FAM83B: variants seen among roughly 807,000 people sequenced by gnomAD.
FAM83B encodes the protein scaffolding CK1 anchoring protein B.
In FAM83B, 26 loss-of-function variants were observed where a neutral mutation model predicts 38.8. The ratio of observed to expected loss-of-function variants is 0.67; its 90% confidence interval spans 0.49 to 0.93. The LOEUF (loss-of-function observed/expected upper bound fraction) is 0.93. Among genes scored for constraint, FAM83B ranks in the 40% least tolerant of loss-of-function variants. FAM83B has a pLI of 0.00. For synonymous variants in FAM83B, 419 were observed against 423.1 expected, an observed-to-expected ratio of 0.99 and a Z score of 0.12; for missense variants, 1,237 against 1,197.3, an observed-to-expected ratio of 1.03 and a Z score of -0.49.
At chr6:54,887,097 T>A (rs956964282) in intron 2 of FAM83B, among the ~76,000 whole-genome samples, 2 of 152,194 alleles carry the variant, frequency 1.3e-5, no homozygotes, top group Non-Finnish European at 2.9e-5. Context: ...ATTTAAAGTA[T>A]GTTTTATGAT....
rs146589926 is a variant in FAM83B, at chr6:54,888,777, C to A, written c.444+18087C>A. ...CATAATAGAGCTTCTTGAATCTGTG[C>A]CTTAAAGTTTTCCTGCTGTTTTGGA... On this transcript the variant is annotated intron_variant, in intron 2 of 4. Transcript: ENST00000306858. Among the ~76,000 whole-genome samples, 32 of 151,754 alleles carry A rather than the reference C, an allele frequency of 2.1e-4. No homozygotes were observed. The East Asian group carries it at 6.2e-3, about 29-fold the overall frequency.
chr6:54,888,753 A>G (rs1387313577), intron 2 of FAM83B, among the ~76,000 whole-genome samples: 1 of 151,868 alleles, frequency 6.6e-6, no homozygotes, highest in East Asian at 1.9e-4. Context: ...TCTCCTTGAC[A>G]TAATAGAGCT....
chr6:54,865,359 T>G (rs866732374), intron 1 of FAM83B, among the ~76,000 whole-genome samples: 1 of 152,170 alleles, frequency 6.6e-6, no homozygotes, highest in African/African-American at 2.4e-5. Flanking sequence ...GTGTCCCCTC[T>G]CTCCTTATAG....
At chr6:54,870,105 A>G in intron 1 of FAM83B, 82 bp from the exon 2 acceptor site, 1 of 634,968 alleles carries the variant, frequency 1.6e-6, no homozygotes, top group Non-Finnish European at 2.7e-6. Context: ...TGTAAATGAA[A>G]AAATAATAGT....
intron 2 of FAM83B, among the ~76,000 whole-genome samples, chr6:54,887,398 C>A (rs574522620): frequency 6.6e-6 from 1 of 152,244 alleles, no homozygotes; most frequent in African/African-American, 2.4e-5. Context: ...ATACAGAGGT[C>A]CTGGAACTGG....
chr6:54,859,332 T>C (rs1581881982), intron 1 of FAM83B, among the ~76,000 whole-genome samples: 1 of 152,192 alleles, frequency 6.6e-6, no homozygotes, highest in Admixed American at 6.5e-5. Context: ...AGTGCTGGGA[T>C]TACCAGCATG....
At position 54,942,933 on chromosome 6, in the gene FAM83B, C is replaced by T. The variant is rs987582388; in HGVS notation, c.*926C>T. Among the ~76,000 whole-genome samples the T allele has an allele frequency of 2.0e-5, 3 of 150,980 alleles. No homozygotes were observed. The highest frequency in any genetic ancestry group is 4.4e-5 in the Non-Finnish European group (3 of 67,866). ...TTTTTTTTCTTTTGAGATGGAGTCT[C>T]GCTCTGTCACCCAGGCTAGAGTGCA... is the stretch of plus-strand genomic sequence containing the variant. On this transcript the variant is annotated 3_prime_UTR_variant, in exon 5 of 5. Coordinates refer to ENST00000306858, the MANE Select transcript of FAM83B (RefSeq NM_001010872.3).
chr6:54,915,812 CAAAAAA>C lies in FAM83B; in HGVS notation c.445-10539_445-10534del, dbSNP rs58597609. On this transcript the variant is annotated intron_variant, in intron 2 of 4. Coordinates refer to ENST00000306858, the MANE Select transcript of FAM83B (RefSeq NM_001010872.3). ...TGGGCGACAGAGCGAGACTCCGTCT[CAAAAAA>C]AAAAAAAAAAAAAAAAAAAGAAACT... Among the ~76,000 whole-genome samples, 107 of 18,046 alleles carry C rather than the reference CAAAAAA, an allele frequency of 5.9e-3. 8 individuals carry two copies. The highest frequency in any genetic ancestry group is 0.023 in the African/African-American group (97 of 4,248). 11.8% of individuals were successfully genotyped at this position (18,046 alleles called of 152,430 possible).
At chr6:54,856,541 A>G (rs969294579) in intron 1 of FAM83B, among the ~76,000 whole-genome samples, 4 of 152,206 alleles carry the variant, frequency 2.6e-5, no homozygotes, top group African/African-American at 7.2e-5. Flanking sequence ...AAATCTGTCT[A>G]TATAAATCCA....
intron 2 of FAM83B, among the ~76,000 whole-genome samples, chr6:54,884,102 G>GAACATCCT (rs1215767390): frequency 6.6e-6 from 1 of 152,028 alleles, no homozygotes; most frequent in East Asian, 1.9e-4. Context: ...AAGAGATCGA[G>GAACATCCT]AACATCCTGG....
intron 4 of FAM83B, among the ~76,000 whole-genome samples, chr6:54,931,540 A>G (rs1169814512): frequency 2.6e-5 from 4 of 152,010 alleles, no homozygotes; most frequent in African/African-American, 7.2e-5. Context: ...TTTTTATCAC[A>G]TAATATTCTT....
At chr6:54,911,358 A>T (rs1459466764) in intron 2 of FAM83B, among the ~76,000 whole-genome samples, 1 of 151,950 alleles carries the variant, frequency 6.6e-6, no homozygotes, top group Non-Finnish European at 1.5e-5. Context: ...AAATAGTGAG[A>T]TGATCTTTCA....
chr6:54,874,175 T>C (rs1283900062), intron 2 of FAM83B, among the ~76,000 whole-genome samples: 4 of 152,146 alleles, frequency 2.6e-5, no homozygotes, highest in Admixed American at 6.5e-5. Context: ...GTGATCTTTA[T>C]AGTATTTCAA....
At chr6:54,853,753 C>CCATA (rs2127571608) in intron 1 of FAM83B, among the ~76,000 whole-genome samples, 1 of 152,250 alleles carries the variant, frequency 6.6e-6, no homozygotes, top group South Asian at 2.1e-4. Context: ...AACATTTGTT[C>CCATA]CATAGCACAT....
intron 2 of FAM83B, among the ~76,000 whole-genome samples, chr6:54,873,172 T>A (rs1771901881): frequency 6.6e-6 from 1 of 152,028 alleles, no homozygotes; most frequent in Non-Finnish European, 1.5e-5. Flanking sequence ...TGTTATTTTT[T>A]AAGGTGTTAG....
intron 2 of FAM83B, among the ~76,000 whole-genome samples, chr6:54,904,925 GA>G (rs1772744824): frequency 6.6e-6 from 1 of 152,106 alleles, no homozygotes; most frequent in Admixed American, 6.5e-5. Flanking sequence ...AGAGAGCAGA[GA>G]AAGAAAGGAG....
chr6:54,884,439 G>A (rs111299720), intron 2 of FAM83B, among the ~76,000 whole-genome samples: 1,546 of 145,622 alleles, frequency 0.011, 13 homozygotes, highest in Non-Finnish European at 0.018. Context: ...CCGAGACTGC[G>A]CCATTGCACT....
At chr6:54,874,906 C>G (rs1771955145) in intron 2 of FAM83B, among the ~76,000 whole-genome samples, 1 of 152,104 alleles carries the variant, frequency 6.6e-6, no homozygotes, top group Non-Finnish European at 1.5e-5. Context: ...CTGGGTGTGT[C>G]TGTTATGGCC....
intron 2 of FAM83B, among the ~76,000 whole-genome samples, chr6:54,919,070 G>A (rs575164750): frequency 1.1e-3 from 162 of 152,190 alleles, no homozygotes; most frequent in Non-Finnish European, 1.8e-3. Flanking sequence ...TTCAAAAAAA[G>A]TAACTTTTCA....
Sources: gnomAD v4.1 joint callset for allele counts (sites outside exome capture counted in the v4.1 genomes callset) on GRCh38, gnomAD v4.1.1 for gene constraint, MANE v1.5 for transcripts, NCBI Gene and HGNC (gene_info 2026-07-23, HGNC 2026-07-21) for gene names.